Variants in KLRG1 observed in about 807,000 individuals in gnomAD.
KLRG1 encodes the protein killer cell lectin like receptor G1, also known as killer cell lectin-like receptor subfamily G member 1.
Under a neutral mutation model 21.8 loss-of-function variants are expected in KLRG1, and 16 were observed. That is an observed-to-expected ratio of 0.73 (90% confidence interval 0.50 to 1.11). The LOEUF is 1.11. KLRG1 is among the 50% of genes most tolerant of loss of function. The pLI is 0.00. For missense variants in KLRG1, 173 were observed against 218.3 expected (o/e 0.79, Z 1.31); for synonymous variants, 69 against 75.9 (o/e 0.91, Z 0.47).
At chr12:9,019,066 A>T in the KLRG1 span, among the ~76,000 whole-genome samples, 2,350 of 152,316 alleles carry the variant, frequency 0.015, 34 homozygotes, top group South Asian at 0.044. Flanking sequence ...AGCTCAAACA[A>T]CTCAATAGGA....
chr12:9,062,074 CT>C, the KLRG1 span, among the ~76,000 whole-genome samples: 1 of 149,656 alleles, frequency 6.7e-6, no homozygotes, highest in Non-Finnish European at 1.5e-5. Flanking sequence ...TGTAATATAT[CT>C]GATATATTTA....
At chr12:9,013,785 CAT>C (rs1400954621), downstream of KLRG1, among the ~76,000 whole-genome samples, 2 of 152,140 alleles carry the variant, frequency 1.3e-5, no homozygotes, top group African/African-American at 4.8e-5. Flanking sequence ...CCTCCCACAA[CAT>C]GTGGGAATTG....
Position 8,997,484 on chromosome 12 carries a change from A to T in KLRG1, c.357+2196A>T, listed in dbSNP as rs540972459. On this transcript the variant is annotated intron_variant, in intron 3 of 4. Coordinates refer to ENST00000356986, the MANE Select transcript of KLRG1 (RefSeq NM_005810.4). ...CTAGTATCATACTGGGGTCTGAGCC[A>T]CTACCAAAAAAGCAAGAAGTAAAAA... 1.3e-5 allele frequency among the ~76,000 whole-genome samples: 2 copies of T among 152,362 alleles called. 1 individual carries two copies. The highest frequency in any genetic ancestry group is 6.8e-3 in the Middle Eastern group (2 of 294).
intron 1 of KLRG1, 65 bp from the exon 2 acceptor site, chr12:8,992,141 T>C: frequency 7.2e-7 from 1 of 1,382,178 alleles, no homozygotes; most frequent in African/African-American, 1.4e-5. Flanking sequence ...TATCCTTCCC[T>C]GACTTTCTCT....
the KLRG1 span, chr12:9,192,377 A>T: frequency 1.2e-5 from 16 of 1,283,728 alleles, no homozygotes; most frequent in South Asian, 2.0e-4. Flanking sequence ...CCTCAAGAAA[A>T]CTCATGGAAT....
At chr12:9,053,660 G>C in the KLRG1 span, among the ~76,000 whole-genome samples, 1 of 152,196 alleles carries the variant, frequency 6.6e-6, no homozygotes, top group South Asian at 2.1e-4. Context: ...TCAGCATTAA[G>C]CACTAGGTCA....
At chr12:9,069,134 A>G in the KLRG1 span, 1 of 221,640 alleles carries the variant, frequency 4.5e-6, no homozygotes, top group African/African-American at 2.3e-5. Flanking sequence ...TCATTTTTTA[A>G]TATCCAGAGA....
the KLRG1 span, among the ~76,000 whole-genome samples, chr12:9,113,746 C>T: frequency 6.6e-6 from 1 of 152,140 alleles, no homozygotes; most frequent in African/African-American, 2.4e-5. Context: ...GAACATTTTA[C>T]TTGAGGTAGG....
At chr12:9,144,197 CAG>C in the KLRG1 span, among the ~76,000 whole-genome samples, 2 of 151,618 alleles carry the variant, frequency 1.3e-5, no homozygotes, top group Non-Finnish European at 2.9e-5. Flanking sequence ...CAGAGAGAGA[CAG>C]AGAGAAAGGA....
At chr12:9,028,449 C>T in the KLRG1 span, among the ~76,000 whole-genome samples, 1 of 144,364 alleles carries the variant, frequency 6.9e-6, no homozygotes, top group Admixed American at 6.9e-5. Flanking sequence ...CACGCCAGGC[C>T]TTTTTTTTTT....
the KLRG1 span, among the ~76,000 whole-genome samples, chr12:9,186,097 C>T: frequency 1.3e-5 from 2 of 152,040 alleles, no homozygotes; most frequent in African/African-American, 4.8e-5. Flanking sequence ...TGAGCCACTG[C>T]ACCTGGCCAA....
chr12:9,121,109 G>GA, the KLRG1 span, among the ~76,000 whole-genome samples: 5 of 152,126 alleles, frequency 3.3e-5, no homozygotes, highest in South Asian at 1.0e-3. This position sits in a 1 kb window ranked among gnomAD's most constrained non-coding sequence, Gnocchi z 4.4. Flanking sequence ...TAGCCTCAAA[G>GA]TCCTGGCCTC....
At chr12:9,133,715 G>C in the KLRG1 span, among the ~76,000 whole-genome samples, 1 of 152,134 alleles carries the variant, frequency 6.6e-6, no homozygotes, top group Non-Finnish European at 1.5e-5. Context: ...CAGAAATAAA[G>C]TATTCAAGAT....
the KLRG1 span, chr12:9,150,667 T>G: frequency 5.6e-6 from 9 of 1,610,074 alleles, no homozygotes; most frequent in South Asian, 3.3e-5. Context: ...ATCATAGACT[T>G]TAACAATTGC....
chr12:9,072,642 A>T, the KLRG1 span: 2 of 1,613,806 alleles, frequency 1.2e-6, no homozygotes, highest in African/African-American at 2.7e-5. Context: ...TCACCTGCCC[A>T]AGAGTCTCAC....
intron 1 of KLRG1, 99 bp from the exon 2 acceptor site, chr12:8,992,107 A>C: frequency 5.5e-6 from 5 of 916,008 alleles, no homozygotes; most frequent in Non-Finnish European, 8.4e-6. Context: ...AGTTCCCACT[A>C]GGCCAAATTG....
At chr12:9,050,351 C>T in the KLRG1 span, among the ~76,000 whole-genome samples, 23 of 152,310 alleles carry the variant, frequency 1.5e-4, no homozygotes, top group Middle Eastern at 3.4e-3. Flanking sequence ...CTGATCTTGC[C>T]GCTGTGTTGT....
chr12:9,199,167 C>T, the KLRG1 span, among the ~76,000 whole-genome samples: 1 of 152,148 alleles, frequency 6.6e-6, no homozygotes, highest in Non-Finnish European at 1.5e-5. Flanking sequence ...CTCATCACTG[C>T]CGATTCTGAG....
chr12:9,027,948 A>G, the KLRG1 span: 26 of 920,424 alleles, frequency 2.8e-5, no homozygotes, highest in South Asian at 3.1e-4. Flanking sequence ...TTGCTTTGAC[A>G]GTGCTTTCCT....
Sources: gnomAD v4.1 joint callset for allele counts (sites outside exome capture counted in the v4.1 genomes callset) on GRCh38, gnomAD v4.1.1 for gene constraint, Gnocchi (gnomAD v3.1) non-coding constraint, MANE v1.5 for transcripts, NCBI Gene and HGNC (gene_info 2026-07-23, HGNC 2026-07-21) for gene names.